C5orf15: variants seen among roughly 807,000 people sequenced by gnomAD.
C5orf15 encodes the protein chromosome 5 open reading frame 15, also known as keratinocyte-associated transmembrane protein 2.
C5orf15 carries 10 observed loss-of-function variants against 17.8 expected under a neutral mutation model. The ratio of observed to expected loss-of-function variants is 0.56; its 90% CI spans 0.35 to 0.95. The LOEUF (loss-of-function observed/expected upper bound fraction) is 0.95. Among genes scored for constraint, C5orf15 ranks in the 40% least tolerant of loss-of-function variants. C5orf15 has a pLI of 0.02. For missense variants in C5orf15, 319 were observed against 331.7 expected (o/e 0.96, Z 0.30); for synonymous variants, 124 against 131.0 (o/e 0.95, Z 0.36).
At chr5:133,957,855 C>T (rs1752060755) in intron 2 of C5orf15, among the ~76,000 whole-genome samples, 2 of 152,214 alleles carry the variant, frequency 1.3e-5, no homozygotes, top group South Asian at 2.1e-4. Context: ...ACTGAGACTT[C>T]CTGACCAGTA....
chr5:133,960,816 C>A (rs913160462), intron 1 of C5orf15, among the ~76,000 whole-genome samples: 35 of 151,982 alleles, frequency 2.3e-4, no homozygotes, highest in African/African-American at 8.2e-4. Context: ...TATTCTTTTA[C>A]CAAGAAGAAT....
At chr5:133,962,320 C>T (rs1433086386) in intron 1 of C5orf15, among the ~76,000 whole-genome samples, 1 of 152,118 alleles carries the variant, frequency 6.6e-6, no homozygotes, top group Non-Finnish European at 1.5e-5. Context: ...TTACTGAAAC[C>T]TGACTCTCCC....
rs539370676 is a variant in C5orf15 at position 133,965,926 on chromosome 5, A to C, written c.139+2520T>G. On this transcript the variant is annotated intron_variant, in intron 1 of 2. Transcript: ENST00000231512. ...GGCGACAGAGCAAAACCCTGTCTCA[A>C]ACAAACAAACAAAAAAGGCTGGGCA... 1.3e-4 allele frequency among the ~76,000 whole-genome samples: 19 copies of C among 151,496 alleles called. No individual in the cohort carries two copies. The South Asian group carries it at 4.0e-3, about 32-fold the overall frequency.
At chr5:133,959,135 G>A in intron 2 of C5orf15, among the ~76,000 whole-genome samples, 1 of 152,128 alleles carries the variant, frequency 6.6e-6, no homozygotes, top group Non-Finnish European at 1.5e-5. Context: ...GGAGGCCGAG[G>A]CGGGAGGACT....
rs751558667 is a variant in C5orf15 at position 133,959,804 on chromosome 5, T to A, written c.356A>T (p.Asn119Ile). 2 of 1,613,998 alleles carry A rather than the reference T, an allele frequency of 1.2e-6. No individual in the cohort carries two copies. Among genetic ancestry groups the A allele is most frequent in the Non-Finnish European group, 1.7e-6 (2 of 1,180,010 alleles). ...TPLSQEEADN[N>I]EDPSIEEEDL... ...CTCCTCCTCTATACTAGGATCTTCA[T>A]TGTTATCAGCTTCCTCTTGAGACAG... is the stretch of plus-strand genomic sequence containing the variant. The change falls in exon 2 of 3, where the codon AAT becomes ATT. Residue 119 changes from asparagine (N) to isoleucine (I), a missense_variant. Asn to Ile is a moderately radical substitution (Grantham distance 149). Around this residue, in one of 3 missense-constraint regions of C5orf15, gnomAD observed 175 missense variants for 192.4 expected, o/e 0.91. Transcript: ENST00000231512.
chr5:133,959,404 C>CAAAAAAAAA (rs397999300), intron 2 of C5orf15, 90 bp downstream of exon 2: 7 of 124,562 alleles, frequency 5.6e-5, no homozygotes, highest in African/African-American at 2.6e-4. Flanking sequence ...CTTTTTTTTG[C>CAAAAAAAAA]AAAAAAAAAA....
At chr5:133,960,859 G>A (rs368713847) in intron 1 of C5orf15, among the ~76,000 whole-genome samples, 8 of 151,566 alleles carry the variant, frequency 5.3e-5, no homozygotes, top group African/African-American at 1.5e-4. Flanking sequence ...AATCCCTGCC[G>A]AAATTTAACC....
chr5:133,962,545 C>T (rs1055998534), intron 1 of C5orf15, among the ~76,000 whole-genome samples: 1 of 152,146 alleles, frequency 6.6e-6, no homozygotes, highest in African/African-American at 2.4e-5. Flanking sequence ...AGTCATGCCC[C>T]CTAATTCTTA....
At position 133,959,876 on chromosome 5, in the gene C5orf15, T is replaced by C; in HGVS notation, c.284A>G (p.Lys95Arg). ...STTLPPTTSTKKSGGASVVPH... is the reference protein window; with the variant it reads ...STTLPPTTSTRKSGGASVVPH... ...GACCACAGATGCTCCTCCACTTTTC[T>C]TGGTACTCGTCGTGGGAGGGAGGGT... Residue 95 changes from lysine (K) to arginine (R), a missense_variant, in exon 2 of 3, where the codon AAG becomes AGG. Physicochemically the swap from Lys to Arg is conservative, Grantham distance 26 (BLOSUM62 2). Transcript: ENST00000231512. The C allele has an allele frequency of 1.2e-6, 2 of 1,614,080 alleles. No homozygotes were observed. The highest frequency in any genetic ancestry group is 1.3e-5 in the African/African-American group (1 of 75,030).
intron 2 of C5orf15, 90 bp downstream of exon 2, chr5:133,959,404 C>CTTTTAAAAAA (rs1752084810): frequency 8.2e-6 from 1 of 121,926 alleles, no homozygotes; most frequent in African/African-American, 8.6e-5. Context: ...CTTTTTTTTG[C>CTTTTAAAAAA]AAAAAAAAAA....
At position 133,968,598 on chromosome 5, in the gene C5orf15, G is replaced by A. The variant is rs566165676; in HGVS notation, c.-14C>T. On this transcript the variant is annotated 5_prime_UTR_variant, in exon 1 of 3. Transcript: ENST00000231512. ...GGCAGCGGCCATAACGGACTCGGCT[G>A]GGAGCCTGCGCTGTTGCTAGGCTCT... The A allele has an allele frequency of 1.3e-6, 2 of 1,599,502 alleles. No homozygotes were observed. Among genetic ancestry groups the A allele is most frequent in the South Asian group, 1.1e-5 (1 of 88,646 alleles).
chr5:133,962,223 G>C lies in C5orf15; in HGVS notation c.140-2203C>G, dbSNP rs368829224. Among the ~76,000 whole-genome samples, 7 of 152,134 alleles carry C rather than the reference G, an allele frequency of 4.6e-5. No homozygotes were observed. In the South Asian group the frequency reaches 1.0e-3, roughly 23 times the overall value. Reference sequence around the variant, plus strand: ...TTAAAGGACACAAGCTGATAGGGTGGGAATAATTATAAAGAAATTTCCACC... The same window carrying C: ...TTAAAGGACACAAGCTGATAGGGTGCGAATAATTATAAAGAAATTTCCACC... On this transcript the variant is annotated intron_variant, in intron 1 of 2. Coordinates refer to ENST00000231512, the MANE Select transcript of C5orf15 (RefSeq NM_020199.3).
Position 133,956,883 on chromosome 5 carries a change from C to CTTCAAATTACAAA in C5orf15, c.773_774insTTTGTAATTTGAA (p.Lys258AsnfsTer3). On this transcript the variant is annotated stop_gained and frameshift_variant, in exon 3 of 3. Transcript: ENST00000231512. LOFTEE classifies it high-confidence loss of function. ...TTTAAAAAATATAATCATTGGTAAT[C>CTTCAAATTACAAA]TTCAAAGAAGGCATTGCCTCATTAA... 6.3e-7 allele frequency: 1 copy of CTTCAAATTACAAA among 1,595,590 alleles called. No homozygotes were observed. Among genetic ancestry groups the CTTCAAATTACAAA allele is most frequent in the Admixed American group, 1.8e-5 (1 of 56,352 alleles).
rs188585825 is a variant in C5orf15, at chr5:133,959,765, A to C, written c.395T>G (p.Leu132Arg). ...PSIEEEDLLMLNSSPSTAKDT... is the reference protein window; with the variant it reads ...PSIEEEDLLMRNSSPSTAKDT... ...TTTGGCTGTGGATGGAGAACTGTTC[A>C]GCATGAGAAGATCCTCCTCCTCTAT... Residue 132 changes from leucine to arginine, a missense_variant, in exon 2 of 3, where the codon CTG becomes CGG. Around this residue, in one of 3 missense-constraint regions of C5orf15, gnomAD observed 175 missense variants for 192.4 expected, o/e 0.91. Transcript: ENST00000231512. The C allele has an allele frequency of 6.2e-7, 1 of 1,614,146 alleles. No individual in the cohort carries two copies. The highest frequency in any genetic ancestry group is 8.5e-7 in the Non-Finnish European group (1 of 1,180,022).
At chr5:133,962,710 T>C (rs1752142269) in intron 1 of C5orf15, among the ~76,000 whole-genome samples, 1 of 152,142 alleles carries the variant, frequency 6.6e-6, no homozygotes, top group South Asian at 2.1e-4. Flanking sequence ...ATCACAATTC[T>C]TCCATAATCT....
chr5:133,968,581 C>G lies in C5orf15; in HGVS notation c.4G>C (p.Ala2Pro). 1 of 1,609,284 alleles carries G rather than the reference C, an allele frequency of 6.2e-7. No homozygotes were observed. Among genetic ancestry groups the G allele is most frequent in the South Asian group, 1.1e-5 (1 of 90,048 alleles). Residue 2 changes from alanine (A) to proline (P), a missense_variant, in exon 1 of 3, where the codon GCC becomes CCC. Around this residue, in one of 3 missense-constraint regions of C5orf15, gnomAD observed 127 missense variants for 95.6 expected, o/e 1.33. Transcript: ENST00000231512. M[A>P]AAVPKRMRGP... Reference sequence around the variant, plus strand: ...CTCATCCTCTTCGGGACGGCAGCGGCCATAACGGACTCGGCTGGGAGCCTG... The same window carrying G: ...CTCATCCTCTTCGGGACGGCAGCGGGCATAACGGACTCGGCTGGGAGCCTG...
At chr5:133,960,722 T>TAC in intron 1 of C5orf15, among the ~76,000 whole-genome samples, 1 of 152,164 alleles carries the variant, frequency 6.6e-6, no homozygotes, top group East Asian at 1.9e-4. Context: ...TGACACCAAA[T>TAC]ACACACACAT....
intron 1 of C5orf15, among the ~76,000 whole-genome samples, chr5:133,960,444 C>G (rs1264584838): frequency 6.6e-6 from 1 of 152,158 alleles, no homozygotes; most frequent in Non-Finnish European, 1.5e-5. Context: ...GATTCTCACT[C>G]AAGTAGGTCC....
At position 133,956,872 on chromosome 5, in the gene C5orf15, T is replaced by A. The variant is rs1752049123; in HGVS notation, c.785A>T (p.Asp262Val). Residue 262 changes from aspartate to valine, a missense_variant, in exon 3 of 3, where the codon GAT becomes GTT. By Grantham distance (152) the Asp-to-Val change is radical. Coordinates refer to ENST00000231512, the MANE Select transcript of C5orf15 (RefSeq NM_020199.3). ...EAMPSLKITN[D>V]YIF Reference sequence around the variant, plus strand: ...AATCACAGTGCTTTAAAAAATATAATCATTGGTAATCTTCAAAGAAGGCAT... The same window carrying A: ...AATCACAGTGCTTTAAAAAATATAAACATTGGTAATCTTCAAAGAAGGCAT... 1 of 1,588,382 alleles carries A rather than the reference T, an allele frequency of 6.3e-7. No homozygotes were observed. The highest frequency in any genetic ancestry group is 8.5e-7 in the Non-Finnish European group (1 of 1,171,178).
Sources: gnomAD v4.1 joint callset for allele counts (sites outside exome capture counted in the v4.1 genomes callset) on GRCh38, gnomAD v4.1.1 for gene constraint, gnomAD v4.1.1 regional missense constraint, MANE v1.5 for transcripts, NCBI Gene and HGNC (gene_info 2026-07-23, HGNC 2026-07-21) for gene names.